The following PARG variants were observed in gnomAD, a reference collection of about 807,000 sequenced individuals.
PARG encodes the protein poly(ADP-ribose) glycohydrolase, also known as mitochondrial poly(ADP-ribose) glycohydrolase.
A neutral mutation model predicts 113.0 loss-of-function variants in PARG; 35 were observed. The ratio of observed to expected loss-of-function variants is 0.31; its 90% confidence interval spans 0.24 to 0.41. The LOEUF is 0.41. Ranked by LOEUF, PARG falls within the 10% of genes least tolerant of loss-of-function variation. PARG has a pLI of 1.00. For synonymous variants in PARG, 330 were observed against 409.9 expected, an observed-to-expected ratio of 0.81 and a Z score of 2.36; for missense variants, 797 against 1,169.4, an observed-to-expected ratio of 0.68 and a Z score of 4.64.
intron 13 of PARG, among the ~76,000 whole-genome samples, chr10:49,850,107 CATA>C (rs1459918038): frequency 5.0e-5 from 7 of 139,744 alleles, no homozygotes; most frequent in Non-Finnish European, 6.2e-5. Context: ...GCCGAATAAA[CATA>C]ATAATTAATG....
chr10:49,880,008 G>C (rs1847138217), intron 8 of PARG, among the ~76,000 whole-genome samples, 178 bp from the exon 9 acceptor site: 2 of 150,440 alleles, frequency 1.3e-5, no homozygotes, highest in East Asian at 3.9e-4. Flanking sequence ...GGATGATTCA[G>C]AAAATGCACT....
intron 7 of PARG, among the ~76,000 whole-genome samples, chr10:49,908,123 A>G (rs1184365981): frequency 1.3e-5 from 2 of 152,220 alleles, no homozygotes; most frequent in Admixed American, 6.5e-5. Flanking sequence ...CTCTAACTTC[A>G]TCAGTGATCT....
rs1554832420 is a variant in PARG, at chr10:49,842,008, T to C, written c.2483A>G (p.His828Arg). 6.5e-7 allele frequency: 1 copy of C among 1,550,322 alleles called. No individual in the cohort carries two copies. Among genetic ancestry groups the C allele is most frequent in the Non-Finnish European group, 8.7e-7 (1 of 1,146,912 alleles). Residue 828 changes from histidine to arginine, a missense_variant, in exon 15 of 18, where the codon CAC becomes CGC. Transcript: ENST00000616448. ...CTEIVAIDAL[H>R]FRRYLDQFVP... ...AAACTGATCGAGGTAGCGTCTGAAG[T>C]GAAGAGCATCGATGGCAACGATCTC...
chr10:49,832,947 A>G (rs1312890288), intron 15 of PARG, 39 bp from the exon 16 acceptor site: 5 of 999,906 alleles, frequency 5.0e-6, no homozygotes, highest in Non-Finnish European at 7.6e-6. Context: ...GTGAGTGCCT[A>G]GACACTAACA....
At chr10:49,836,307 CTTTTTTTTTTTTT>C (rs1168567519) in intron 15 of PARG, among the ~76,000 whole-genome samples, 15 of 48,016 alleles carry the variant, frequency 3.1e-4, no homozygotes, top group South Asian at 2.6e-3. Flanking sequence ...TTTCTTACGA[CTTTTTTTTTTTTT>C]TTTTTTTTTT....
chr10:49,912,497 T>C (rs1278489388), intron 7 of PARG, among the ~76,000 whole-genome samples: 1 of 150,706 alleles, frequency 6.6e-6, no homozygotes, highest in South Asian at 2.1e-4. Flanking sequence ...ACCCAGTCTC[T>C]AATAAAAATA....
At chr10:49,937,159 A>T (rs1838788164) in intron 1 of PARG, among the ~76,000 whole-genome samples, 1 of 152,206 alleles carries the variant, frequency 6.6e-6, no homozygotes, top group South Asian at 2.1e-4. Context: ...CTTTATATCA[A>T]ATACAGCAAG....
intron 7 of PARG, among the ~76,000 whole-genome samples, chr10:49,901,783 T>C (rs1158823276): frequency 1.1e-4 from 16 of 152,244 alleles, no homozygotes; most frequent in Non-Finnish European, 2.4e-4. Flanking sequence ...TCTAAAAAAA[T>C]TCAAAATGCA....
chr10:49,820,626 G>C (rs1040971472), intron 16 of PARG, among the ~76,000 whole-genome samples: 1 of 151,624 alleles, frequency 6.6e-6, no homozygotes, highest in African/African-American at 2.4e-5. Flanking sequence ...GGAGGCTGAA[G>C]CAGGAGAATT....
At chr10:49,910,836 T>C (rs1837134510) in intron 7 of PARG, among the ~76,000 whole-genome samples, 1 of 152,066 alleles carries the variant, frequency 6.6e-6, no homozygotes, top group African/African-American at 2.4e-5. Context: ...AAAACAAATA[T>C]CCAAGTCCAG....
chr10:49,922,378 C>G lies in PARG; in HGVS notation c.1620G>C (p.Gln540His), dbSNP rs574085238. The stretch of plus-strand genomic sequence containing the variant: ...GTGTAAATTTGTTGAGAAGTGCAGT[C>G]TGAATGAGCTCCCACCGGCTCCCCG... Reference protein sequence around the residue: ...RTAGSRWELIQTALLNKFTRP... With the variant: ...RTAGSRWELIHTALLNKFTRP... Residue 540 changes from glutamine to histidine, a missense_variant, in exon 6 of 18, where the codon CAG (glutamine) becomes CAC (histidine). Physicochemically the swap from Gln to His is conservative, Grantham distance 24. Coordinates refer to ENST00000616448, the MANE Select transcript of PARG (RefSeq NM_003631.5). The G allele has an allele frequency of 1.2e-5, 20 of 1,606,754 alleles. No individual in the cohort carries two copies. The East Asian group carries it at 4.5e-4, about 36-fold the overall frequency.
chr10:49,919,652 C>T (rs1837688552), intron 6 of PARG, among the ~76,000 whole-genome samples: 1 of 152,118 alleles, frequency 6.6e-6, no homozygotes, highest in African/African-American at 2.4e-5. Flanking sequence ...GACCCAGTGT[C>T]TCAGCCAAAA....
chr10:49,841,958 G>A lies in PARG; in HGVS notation c.2533C>T (p.Leu845=). 1 of 1,543,120 alleles carries A rather than the reference G, an allele frequency of 6.5e-7. No homozygotes were observed. The highest frequency in any genetic ancestry group is 2.4e-5 in the East Asian group (1 of 40,906). The change falls in exon 15 of 18, where the codon CTG becomes TTG. Residue 845 remains leucine, a synonymous_variant. Coordinates refer to ENST00000616448, the MANE Select transcript of PARG (RefSeq NM_003631.5). ...QFVPEKMRRE[L]NKAYCGFLRP... ...GAAATAAGGTTACTGGCCTTGTTCA[G>A]CTCGCGTCTCATTTTCTCAGGCACA...
chr10:49,940,822 C>T (rs1342261293), intron 1 of PARG, among the ~76,000 whole-genome samples: 1 of 152,202 alleles, frequency 6.6e-6, no homozygotes, highest in East Asian at 1.9e-4. Flanking sequence ...CCACCGCGCC[C>T]GGCCTCGGTT....
At chr10:49,920,471 T>TAA (rs1837761155) in intron 6 of PARG, among the ~76,000 whole-genome samples, 1 of 73,308 alleles carries the variant, frequency 1.4e-5, no homozygotes, top group Non-Finnish European at 2.8e-5. Flanking sequence ...AAAATATATA[T>TAA]ATATATATAT....
intron 13 of PARG, among the ~76,000 whole-genome samples, chr10:49,849,627 GTTTAT>G (rs1378092222): frequency 3.3e-5 from 5 of 152,196 alleles, no homozygotes; most frequent in African/African-American, 7.2e-5. Flanking sequence ...TAAACAAATA[GTTTAT>G]TTTATGTCAA....
intron 3 of PARG, 69 bp downstream of exon 3, chr10:49,933,108 C>T (rs1173343371): frequency 6.0e-6 from 7 of 1,163,216 alleles, no homozygotes; most frequent in Non-Finnish European, 8.7e-6. Context: ...ATCACAGCTT[C>T]GTTAAACTCC....
At chr10:49,832,082 T>C (rs1456775175) in intron 16 of PARG, among the ~76,000 whole-genome samples, 2 of 152,244 alleles carry the variant, frequency 1.3e-5, no homozygotes, top group African/African-American at 4.8e-5. Flanking sequence ...TAAGTAATGA[T>C]ATAGTATTAT....
At chr10:49,824,557 A>C (rs1396482600) in intron 16 of PARG, among the ~76,000 whole-genome samples, 1 of 152,166 alleles carries the variant, frequency 6.6e-6, no homozygotes, top group Non-Finnish European at 1.5e-5. Flanking sequence ...AATAACATGA[A>C]AAGCAATTCA....
Sources: gnomAD v4.1 joint callset for allele counts (sites outside exome capture counted in the v4.1 genomes callset) on GRCh38, gnomAD v4.1.1 for gene constraint, MANE v1.5 for transcripts, NCBI Gene and HGNC (gene_info 2026-07-23, HGNC 2026-07-21) for gene names.